The following NCOR2 variants were observed in gnomAD, a reference collection of about 807,000 sequenced individuals.
The protein encoded by NCOR2 is CTG repeat protein 26.
A neutral mutation model predicts 262.9 loss-of-function variants in NCOR2; 81 were observed. That is an observed-to-expected ratio of 0.31 (90% CI 0.26 to 0.37). The LOEUF (loss-of-function observed/expected upper bound fraction) is 0.37. Ranked by LOEUF, NCOR2 falls within the 10% of genes least tolerant of loss-of-function variation. The pLI is 1.00. For synonymous variants in NCOR2, 1,659 were observed against 1,559.3 expected (o/e 1.06, Z -1.51); for missense variants, 3,385 against 3,621.4 (o/e 0.93, Z 1.68).
intron 16 of NCOR2, among the ~76,000 whole-genome samples, chr12:124,397,763 A>C (rs2041776723): frequency 6.6e-6 from 1 of 152,002 alleles, no homozygotes; most frequent in Admixed American, 6.6e-5. Flanking sequence ...GACTGTCCCG[A>C]GATACCCAGG....
chr12:124,428,090 C>CGGGTGTGTGTGTGTGTGTGT (rs1412280487), intron 10 of NCOR2, among the ~76,000 whole-genome samples: 1 of 138,092 alleles, frequency 7.2e-6, no homozygotes, highest in African/African-American at 3.0e-5. Flanking sequence ...TGTGTGTGTA[C>CGGGTGTGTGTGTGTGTGTGT]ATGCAACAAT....
At chr12:124,463,854 C>A (rs1236721026) in intron 5 of NCOR2, among the ~76,000 whole-genome samples, 2 of 152,132 alleles carry the variant, frequency 1.3e-5, no homozygotes, top group Non-Finnish European at 2.9e-5. Flanking sequence ...AAACCAGAGG[C>A]CTCTTCCACA....
intron 1 of NCOR2, chr12:124,561,852 C>A (rs1435932411): frequency 6.6e-6 from 1 of 151,728 alleles, no homozygotes; most frequent in Admixed American, 6.6e-5. Context: ...TCCATCTCTA[C>A]AAAAAATTTT....
At chr12:124,325,392 C>CCCCCG in exon 47 of NCOR2, 16 of 1,152,208 alleles carry the variant, frequency 1.4e-5, no homozygotes, top group Non-Finnish European at 1.6e-5. Flanking sequence ...CCCCCCCGCC[C>CCCCCG]TGTTCTGAGT....
intron 20 of NCOR2, among the ~76,000 whole-genome samples, chr12:124,365,255 T>C (rs1430825613): frequency 2.6e-5 from 4 of 152,222 alleles, no homozygotes; most frequent in Admixed American, 1.3e-4. Flanking sequence ...TGGCAGGTCC[T>C]GTCGGCACAG....
At chr12:124,429,515 TA>T (rs1456804254) in intron 10 of NCOR2, 97 bp downstream of exon 12, 10 of 1,330,524 alleles carry the variant, frequency 7.5e-6, no homozygotes, top group Non-Finnish European at 7.3e-6. Context: ...CCCCTCGACG[TA>T]AACCACCCGG....
At chr12:124,433,493 G>T (rs555795865) in intron 8 of NCOR2, among the ~76,000 whole-genome samples, 6 of 152,334 alleles carry the variant, frequency 3.9e-5, no homozygotes. Context: ...AAGACGGCCC[G>T]GCTCTAGCTG....
chr12:124,424,128 G>A (rs1216699098), intron 11 of NCOR2, among the ~76,000 whole-genome samples: 1 of 152,162 alleles, frequency 6.6e-6, no homozygotes, highest in Non-Finnish European at 1.5e-5. Flanking sequence ...TTAACAGAGG[G>A]TGACATTATC....
Position 124,378,303 on chromosome 12 carries a change from C to T in NCOR2, c.2101G>A (p.Glu701Lys). 1 of 1,614,046 alleles carries T rather than the reference C, an allele frequency of 6.2e-7. No homozygotes were observed. The highest frequency in any genetic ancestry group is 8.5e-7 in the Non-Finnish European group (1 of 1,179,916). ...CCCGACGCCTCCATCTCCTCATCCTCCACCACGGGCGGGAATGCAGCCTCC... is the reference window on the plus strand; with the variant it reads ...CCCGACGCCTCCATCTCCTCATCCTTCACCACGGGCGGGAATGCAGCCTCC... The change falls in exon 18 of 47, where the codon GAG (glutamate) becomes AAG (lysine). Residue 701 changes from glutamate (E) to lysine (K), a missense_variant. Around this residue, in one of 5 missense-constraint regions of NCOR2, gnomAD observed 515 missense variants for 781.2 expected, o/e 0.66. Coordinates refer to ENST00000405201, the Ensembl canonical transcript of NCOR2. The surrounding 1 kb of genome is among the most constrained non-coding windows in gnomAD (Gnocchi z 4.2).
exon 31 of NCOR2, chr12:124,346,737 C>T (rs1430775402): frequency 6.4e-7 from 1 of 1,560,254 alleles, no homozygotes; most frequent in African/African-American, 1.4e-5. Context: ...GTCTTGTAGG[C>T]CTCGGTCAGG....
chr12:124,332,504 T>C, intron 42 of NCOR2, 37 bp from the exon 45 acceptor site: 1 of 1,613,254 alleles, frequency 6.2e-7, no homozygotes, highest in Non-Finnish European at 8.5e-7. Flanking sequence ...GCTCACTTGG[T>C]GCCGAGCTTG....
chr12:124,479,529 A>G (rs1265259600), intron 3 of NCOR2, among the ~76,000 whole-genome samples: 1 of 151,880 alleles, frequency 6.6e-6, no homozygotes, highest in Non-Finnish European at 1.5e-5. Context: ...GCGCACACGC[A>G]CACACACACC....
At position 124,523,373 on chromosome 12, in the gene NCOR2, G is replaced by A. The variant is rs563187107; in HGVS notation, c.-118+12192C>T. On this transcript the variant is annotated intron_variant, in intron 1 of 46. Coordinates refer to the NCOR2 transcript ENST00000404621. The surrounding 1 kb of genome is among the most constrained non-coding windows in gnomAD (Gnocchi z 4.0). ...TGGGGCTCCTGGGAACCCACACCCC[G>A]GTGGCAGGGGCAGCGGCAGAGGAAA... 5.9e-5 allele frequency among the ~76,000 whole-genome samples: 9 copies of A among 152,252 alleles called. No homozygotes were observed. The highest frequency in any genetic ancestry group is 1.9e-4 in the African/African-American group (8 of 41,550).
intron 13 of NCOR2, among the ~76,000 whole-genome samples, chr12:124,409,811 C>T (rs979631739): frequency 4.6e-5 from 7 of 151,962 alleles, no homozygotes; most frequent in Non-Finnish European, 7.4e-5. Context: ...CCAAGAAGCT[C>T]GGACCACAGC....
At chr12:124,450,207 C>G (rs1315195792) in intron 6 of NCOR2, among the ~76,000 whole-genome samples, 1 of 152,250 alleles carries the variant, frequency 6.6e-6, no homozygotes, top group Non-Finnish European at 1.5e-5. Flanking sequence ...GCCCTGGCCA[C>G]CAAACGTGGA....
intron 20 of NCOR2, among the ~76,000 whole-genome samples, chr12:124,365,445 G>A (rs1394612892): frequency 2.0e-5 from 3 of 152,226 alleles, no homozygotes; most frequent in Non-Finnish European, 4.4e-5. Context: ...CAGATGAGCA[G>A]GGCCGATGCC....
intron 7 of NCOR2, among the ~76,000 whole-genome samples, chr12:124,442,334 T>C (rs1226475873): frequency 6.6e-6 from 1 of 152,098 alleles, no homozygotes; most frequent in East Asian, 1.9e-4. Flanking sequence ...AGAGATGAGG[T>C]CTTGCTTTGT....
In NCOR2 at chr12:124,504,508, T is replaced by C. The variant is rs1049467573; in HGVS notation, c.-117-9140A>G. On this transcript the variant is annotated intron_variant, in intron 1 of 46. Coordinates refer to the NCOR2 transcript ENST00000404621. The surrounding 1 kb of genome is among the most constrained non-coding windows in gnomAD (Gnocchi z 4.5). ...CTAGGTTAAACCCAGAATTACCCCA[T>C]GACCCAGCGATGCCACTCCTAGCTA... Among the ~76,000 whole-genome samples, 5 of 152,144 alleles carry C rather than the reference T, an allele frequency of 3.3e-5. No individual in the cohort carries two copies. Among genetic ancestry groups the C allele is most frequent in the Non-Finnish European group, 7.3e-5 (5 of 68,038 alleles).
chr12:124,442,610 T>G (rs1026834429), intron 7 of NCOR2, among the ~76,000 whole-genome samples: 3 of 152,176 alleles, frequency 2.0e-5, no homozygotes, highest in African/African-American at 7.2e-5. Flanking sequence ...AGAAGAGAGA[T>G]AGAATCCACT....
Sources: allele counts gnomAD v4.1 joint callset (sites outside exome capture counted in the v4.1 genomes callset), GRCh38; gene constraint gnomAD v4.1.1; regional missense constraint gnomAD v4.1.1; non-coding constraint Gnocchi (gnomAD v3.1); transcripts MANE v1.5; gene names NCBI Gene and HGNC (gene_info 2026-07-23, HGNC 2026-07-21).